The following HYCC1 variants were observed in gnomAD, a reference collection of about 807,000 sequenced individuals.
HYCC1 encodes hyccin.
the HYCC1 span, among the ~76,000 whole-genome samples, chr7:22,989,285 A>AACACACAC: frequency 1.3e-3 from 192 of 148,690 alleles, no homozygotes; most frequent in East Asian, 5.4e-3. Flanking sequence ...ACAAGCAGGA[A>AACACACAC]ACACACACAC....
the HYCC1 span, among the ~76,000 whole-genome samples, chr7:22,950,029 CCAAA>C: frequency 6.6e-6 from 1 of 151,966 alleles, no homozygotes; most frequent in Non-Finnish European, 1.5e-5. Context: ...ATTAAGTAAT[CCAAA>C]CAAACATTTG....
the HYCC1 span, among the ~76,000 whole-genome samples, chr7:22,958,931 C>T: frequency 6.6e-6 from 1 of 152,100 alleles, no homozygotes; most frequent in African/African-American, 2.4e-5. Context: ...GCCACAGTAA[C>T]CACTATGATC....
At chr7:22,993,268 T>G in the HYCC1 span, among the ~76,000 whole-genome samples, 8 of 152,172 alleles carry the variant, frequency 5.3e-5, no homozygotes, top group African/African-American at 1.9e-4. Context: ...CAGATCTAAT[T>G]GTGAACAGTA....
At chr7:22,901,638 G>C in the HYCC1 span, among the ~76,000 whole-genome samples, 1 of 152,224 alleles carries the variant, frequency 6.6e-6, no homozygotes, top group Non-Finnish European at 1.5e-5. Context: ...AGGATATATT[G>C]ATATCAGATT....
chr7:22,959,381 C>T, the HYCC1 span, among the ~76,000 whole-genome samples: 119 of 152,212 alleles, frequency 7.8e-4, no homozygotes, highest in African/African-American at 2.6e-3. Context: ...CAACCAGTAC[C>T]AAATATACCA....
the HYCC1 span, among the ~76,000 whole-genome samples, chr7:22,914,279 G>C: frequency 6.6e-6 from 1 of 151,780 alleles, no homozygotes; most frequent in Non-Finnish European, 1.5e-5. Context: ...CGCCCGCTTT[G>C]GCTGCTCACC....
the HYCC1 span, among the ~76,000 whole-genome samples, chr7:22,974,880 C>A: frequency 6.6e-6 from 1 of 152,126 alleles, no homozygotes; most frequent in Admixed American, 6.5e-5. Context: ...CTCATGAGAT[C>A]TGATGGTTTT....
chr7:22,927,204 G>T, the HYCC1 span, among the ~76,000 whole-genome samples: 3 of 152,074 alleles, frequency 2.0e-5, no homozygotes, highest in Admixed American at 6.6e-5. Context: ...GAAATTTATA[G>T]CACTAAATGC....
the HYCC1 span, among the ~76,000 whole-genome samples, chr7:23,008,971 T>C: frequency 2.6e-5 from 4 of 152,020 alleles, no homozygotes; most frequent in Non-Finnish European, 4.4e-5. Context: ...AAAAATTTGA[T>C]AGGTTTAAAC....
At chr7:22,927,039 T>G in the HYCC1 span, among the ~76,000 whole-genome samples, 3 of 152,230 alleles carry the variant, frequency 2.0e-5, no homozygotes, top group South Asian at 6.2e-4. Flanking sequence ...CACTCAAAAC[T>G]GCTCAACTAC....
At chr7:22,988,975 A>C in the HYCC1 span, among the ~76,000 whole-genome samples, 1 of 152,112 alleles carries the variant, frequency 6.6e-6, no homozygotes, top group South Asian at 2.1e-4. Flanking sequence ...CTATATATCC[A>C]AACCAGGAGG....
the HYCC1 span, among the ~76,000 whole-genome samples, chr7:22,927,863 C>G: frequency 3.3e-5 from 5 of 152,142 alleles, no homozygotes; most frequent in Admixed American, 2.0e-4. Context: ...GATACCAAAG[C>G]CTGGTAGAGA....
the HYCC1 span, among the ~76,000 whole-genome samples, chr7:22,921,328 T>A: frequency 6.6e-6 from 1 of 152,066 alleles, no homozygotes; most frequent in South Asian, 2.1e-4. Context: ...ACTAGGAAAA[T>A]AATACCAGAT....
chr7:22,935,610 G>C, the HYCC1 span: 5 of 152,130 alleles, frequency 3.3e-5, no homozygotes, highest in Non-Finnish European at 5.9e-5. Context: ...AATACCTCCA[G>C]GAAAGAAGTT....
chr7:22,898,920 C>A, the HYCC1 span, among the ~76,000 whole-genome samples: 5 of 152,298 alleles, frequency 3.3e-5, no homozygotes, highest in African/African-American at 9.6e-5. Context: ...ATTTCTCAAT[C>A]CCTTCCAAGC....
At chr7:22,978,040 G>T in the HYCC1 span, 1 of 596,786 alleles carries the variant, frequency 1.7e-6, no homozygotes, top group Middle Eastern at 4.4e-4. Flanking sequence ...TAAAAGAAAT[G>T]AAATGGTCTG....
the HYCC1 span, among the ~76,000 whole-genome samples, chr7:22,992,974 C>T: frequency 3.7e-3 from 562 of 152,214 alleles, 5 homozygotes; most frequent in African/African-American, 0.013. Flanking sequence ...AACAGCAAAG[C>T]TTAGTATAAA....
At chr7:22,931,255 GAAAA>G in the HYCC1 span, among the ~76,000 whole-genome samples, 4 of 103,816 alleles carry the variant, frequency 3.9e-5, no homozygotes, top group African/African-American at 1.0e-4. Flanking sequence ...CAAAAAAAAA[GAAAA>G]AAAAAAAAAA....
At chr7:22,897,929 T>C in the HYCC1 span, among the ~76,000 whole-genome samples, 1 of 152,066 alleles carries the variant, frequency 6.6e-6, no homozygotes, top group Non-Finnish European at 1.5e-5. Context: ...CCACCACACC[T>C]GGCTTGAGCA....
Sources: allele counts gnomAD v4.1 joint callset (sites outside exome capture counted in the v4.1 genomes callset), GRCh38; gene constraint gnomAD v4.1.1; transcripts MANE v1.5; gene names NCBI Gene and HGNC (gene_info 2026-07-23, HGNC 2026-07-21).